Variants in COL6A5 observed in about 807,000 individuals in gnomAD.
The protein encoded by COL6A5 is collagen type VI alpha 5 chain, also known as collagen alpha-5(VI) chain.
In COL6A5, 48 loss-of-function variants were observed where a neutral mutation model predicts 65.6. The ratio of observed to expected loss-of-function variants is 0.73; its 90% CI spans 0.58 to 0.93. The LOEUF (loss-of-function observed/expected upper bound fraction) is 0.93. COL6A5 is among the 40% of genes least tolerant of loss of function. The pLI is 0.00. For synonymous variants in COL6A5, 291 were observed against 322.8 expected (o/e 0.90, Z 1.05); for missense variants, 914 against 928.3 (o/e 0.98, Z 0.20).
Position 130,458,349 on chromosome 3 carries a change from G to T in COL6A5, c.1544+2683G>T, listed in dbSNP as rs559991590. Among the ~76,000 whole-genome samples, 8 of 152,228 alleles carry T rather than the reference G, an allele frequency of 5.3e-5. No homozygotes were observed. In the South Asian group the frequency reaches 1.2e-3, roughly 24 times the overall value. On this transcript the variant is annotated intron_variant, in intron 5 of 7. Transcript: ENST00000512836. ...GAAAGCTACAAACTTTATAACCATT[G>T]TAGGTAATATTTGTATGCCCTCAAG...
rs940493142 is a variant in COL6A5, at chr3:130,476,879, A to G, written c.2328+5912A>G. 3 of 689,308 alleles carry G rather than the reference A, an allele frequency of 4.4e-6. No individual in the cohort carries two copies. The African/African-American group carries it at 5.3e-5, about 12-fold the overall frequency. 42.7% of individuals were successfully genotyped at this position (689,308 alleles called of 1,614,324 possible). A position where few individuals can be genotyped will look rare whatever the true frequency, so the allele number is the denominator to read the frequency against. Reference sequence around the variant, plus strand: ...AATGATGTCTTTAATTCTTTTTCTCACAGATCTCTAGCCAGCAGCTTGGGT... The same window carrying G: ...AATGATGTCTTTAATTCTTTTTCTCGCAGATCTCTAGCCAGCAGCTTGGGT... On this transcript the variant is annotated intron_variant, in intron 7 of 7. Coordinates refer to ENST00000512836, the Ensembl canonical transcript of COL6A5.
intron 1 of COL6A5, among the ~76,000 whole-genome samples, chr3:130,355,966 G>A (rs1452020235): frequency 2.6e-5 from 4 of 152,128 alleles, no homozygotes; most frequent in African/African-American, 9.7e-5. Flanking sequence ...CAGGGTTTAT[G>A]ATGTTATATC....
Position 130,376,631 on chromosome 3 carries a change from G to A in COL6A5, c.462G>A (p.Ser154=), listed in dbSNP as rs1370277943. The A allele has an allele frequency of 6.8e-6, 11 of 1,611,700 alleles. 1 individual carries two copies. Among genetic ancestry groups the A allele is most frequent in the South Asian group, 3.3e-5 (3 of 90,798 alleles). Residue 154 remains serine, a synonymous_variant and NMD_transcript_variant, in exon 3 of 42, where the codon TCG becomes TCA. Transcript: ENST00000312481. ...CTGAGGATGAAGTGGAAGAGGCTTC[G>A]AAAGCCCTGCAGAAAGACGGGGTGA...
In COL6A5 at chr3:130,388,577, C is replaced by T; in HGVS notation, c.1862-3C>T. ...TTCTGGTCTTTTTTTTTATAACATG[C>T]AGGATGTGAAGACATGAAGGCCGAC... On this transcript the variant is annotated splice_region_variant and splice_polypyrimidine_tract_variant and intron_variant and NMD_transcript_variant, in intron 5 of 41. Transcript: ENST00000312481. The T allele has an allele frequency of 6.6e-7, 1 of 1,517,758 alleles. No homozygotes were observed. The allele number at this position is 1,517,758 out of a possible 1,614,324, so 94.0% of individuals were successfully genotyped here.
At chr3:130,439,544 A>G (rs929938838) in exon 2 of COL6A5, 1 of 1,550,850 alleles carries the variant, frequency 6.4e-7, no homozygotes, top group Non-Finnish European at 8.7e-7. Context: ...GGAACATTTC[A>G]GGTGATTCCA....
At chr3:130,401,804 T>C in exon 12 of COL6A5, 1 of 1,551,632 alleles carries the variant, frequency 6.4e-7, no homozygotes, top group African/African-American at 1.4e-5. Context: ...ATTCTGCAAA[T>C]GTCCAGGAAT....
intron 24 of COL6A5, among the ~76,000 whole-genome samples, chr3:130,418,018 A>G (rs1203219060): frequency 6.6e-6 from 1 of 152,136 alleles, no homozygotes; most frequent in African/African-American, 2.4e-5. Flanking sequence ...AATTTTGCTA[A>G]GAGAGTAGAT....
intron 5 of COL6A5, among the ~76,000 whole-genome samples, chr3:130,456,072 G>T (rs151256513): frequency 1.3e-5 from 2 of 152,010 alleles, no homozygotes; most frequent in Admixed American, 6.6e-5. Flanking sequence ...TTGGCTCACC[G>T]CAACCTCCGC....
At chr3:130,397,635 G>C in exon 9 of COL6A5, 1 of 1,551,462 alleles carries the variant, frequency 6.4e-7, no homozygotes, top group South Asian at 1.2e-5. Flanking sequence ...ATGTGCAGGG[G>C]CAGCCTTTGT....
At chr3:130,484,771 T>C (rs986171825) in exon 8 of COL6A5, 2 of 398,804 alleles carry the variant, frequency 5.0e-6, no homozygotes, top group East Asian at 3.6e-5. Context: ...AGATACTCTA[T>C]ATGACCAGAG....
At chr3:130,465,517 A>G (rs2107610591) in intron 5 of COL6A5, among the ~76,000 whole-genome samples, 1 of 152,166 alleles carries the variant, frequency 6.6e-6, no homozygotes, top group Non-Finnish European at 1.5e-5. Context: ...CAGTAATAGG[A>G]AATAATTAGC....
At chr3:130,383,155 G>A (rs898292271) in intron 4 of COL6A5, among the ~76,000 whole-genome samples, 1 of 152,058 alleles carries the variant, frequency 6.6e-6, no homozygotes, top group Non-Finnish European at 1.5e-5. Context: ...CTTTGGCAGT[G>A]TTTAATTGAA....
intron 1 of COL6A5, among the ~76,000 whole-genome samples, chr3:130,436,452 A>G (rs1236000618): frequency 1.3e-5 from 2 of 151,610 alleles, no homozygotes; most frequent in Admixed American, 6.6e-5. Context: ...TCTCCTAGGG[A>G]AAAAAAACAT....
intron 13 of COL6A5, among the ~76,000 whole-genome samples, chr3:130,403,939 G>A (rs1281384697): frequency 1.3e-5 from 2 of 152,056 alleles, no homozygotes; most frequent in Admixed American, 6.6e-5. Context: ...TAAGTTTGGG[G>A]TAAGGAGGGA....
At chr3:130,353,851 A>G (rs917102143) in intron 1 of COL6A5, among the ~76,000 whole-genome samples, 2 of 152,080 alleles carry the variant, frequency 1.3e-5, no homozygotes. Flanking sequence ...AGAAAACCAT[A>G]AAATATTAAA....
At position 130,389,851 on chromosome 3, in the gene COL6A5, T is replaced by C. The variant is rs551342862; in HGVS notation, c.2416+717T>C. Among the ~76,000 whole-genome samples the C allele has an allele frequency of 4.5e-4, 69 of 152,300 alleles. No homozygotes were observed. The South Asian group carries it at 0.012, about 27-fold the overall frequency. ...ATCCACACATAGACTAAAACACCTA[T>C]GTTTTTAAATCTATCATGTGCTATT... On this transcript the variant is annotated intron_variant and NMD_transcript_variant, in intron 6 of 41. Coordinates refer to the COL6A5 transcript ENST00000312481.
intron 1 of COL6A5, among the ~76,000 whole-genome samples, chr3:130,359,298 G>C (rs1368078028): frequency 6.6e-6 from 1 of 152,000 alleles, no homozygotes; most frequent in African/African-American, 2.4e-5. Flanking sequence ...GTTTTGTGCA[G>C]GTTTAACAAC....
rs1475338761 is a variant in COL6A5 at position 130,376,743 on chromosome 3, A to G, written c.574A>G (p.Ile192Val). The G allele has an allele frequency of 3.7e-6, 6 of 1,613,624 alleles. No individual in the cohort carries two copies. In the Admixed American group the frequency reaches 6.7e-5, roughly 18 times the overall value. Residue 192 changes from isoleucine (I) to valine (V), a missense_variant and NMD_transcript_variant, in exon 3 of 42, where the codon ATC becomes GTC. Physicochemically the swap from Ile to Val is conservative, Grantham distance 29 (BLOSUM62 3). Transcript: ENST00000312481. ...CCATTTCCATTTCAACCTTCGGACAATCAGAGACCTCAGCACATTTTCCCA... is the reference window on the plus strand; with the variant it reads ...CCATTTCCATTTCAACCTTCGGACAGTCAGAGACCTCAGCACATTTTCCCA...
At chr3:130,417,631 A>G (rs949053546) in intron 24 of COL6A5, among the ~76,000 whole-genome samples, 4 of 151,682 alleles carry the variant, frequency 2.6e-5, no homozygotes, top group Non-Finnish European at 5.9e-5. Context: ...AACCACGACT[A>G]TCTCTGAGAT....
Sources: allele counts gnomAD v4.1 joint callset (sites outside exome capture counted in the v4.1 genomes callset), GRCh38; gene constraint gnomAD v4.1.1; transcripts MANE v1.5; gene names NCBI Gene and HGNC (gene_info 2026-07-23, HGNC 2026-07-21).